The following DNAH6 variants were observed in gnomAD, a reference collection of about 807,000 sequenced individuals.
The protein encoded by DNAH6 is dynein axonemal heavy chain 6, also known as axonemal beta dynein heavy chain 6.
DNAH6 carries 340 observed loss-of-function variants against 491.4 expected under a neutral mutation model. The observed-to-expected ratio is 0.69, with a 90% CI of 0.63 to 0.76. DNAH6 has a LOEUF of 0.76. Among genes scored for constraint, DNAH6 ranks in the 30% least tolerant of loss-of-function variants. DNAH6 has a pLI of 0.00. For synonymous variants in DNAH6, 1,603 were observed against 1,686.1 expected (o/e 0.95, Z 1.21); for missense variants, 4,443 against 4,972.2 (o/e 0.89, Z 3.20).
At chr2:84,595,843 AT>A in intron 18 of DNAH6, 54 bp downstream of exon 18, 1 of 1,439,926 alleles carries the variant, frequency 6.9e-7, no homozygotes, top group Non-Finnish European at 9.1e-7. Flanking sequence ...TTATTAATTG[AT>A]GCTAATGAGA....
chr2:84,672,844 C>T (rs1385019681), intron 40 of DNAH6, among the ~76,000 whole-genome samples: 1 of 152,158 alleles, frequency 6.6e-6, no homozygotes, highest in Non-Finnish European at 1.5e-5. Flanking sequence ...TTCTGAGACC[C>T]TGAGTTAGGA....
intron 29 of DNAH6, among the ~76,000 whole-genome samples, chr2:84,626,594 C>A (rs951731176): frequency 6.6e-6 from 1 of 151,924 alleles, no homozygotes; most frequent in East Asian, 1.9e-4. Flanking sequence ...CTTCTAGAAC[C>A]ATTATTTTTC....
chr2:84,714,842 A>G (rs1192347), intron 57 of DNAH6, among the ~76,000 whole-genome samples: 150,582 of 150,584 alleles, frequency 1, 75,290 homozygotes, highest in Non-Finnish European at 1. Context: ...CCTACTTCAA[A>G]GATTTTGTAA....
intron 43 of DNAH6, among the ~76,000 whole-genome samples, chr2:84,685,797 A>G (rs1191186445): frequency 1.3e-5 from 2 of 152,162 alleles, no homozygotes; most frequent in Non-Finnish European, 2.9e-5. Context: ...TAAAAATACC[A>G]AAATAAATAA....
intron 3 of DNAH6, 57 bp from the exon 4 acceptor site, chr2:84,528,847 C>G: frequency 6.9e-7 from 1 of 1,451,498 alleles, no homozygotes; most frequent in African/African-American, 1.4e-5. Flanking sequence ...TTTTGTTGCT[C>G]TTGTGTGTAT....
chr2:84,722,843 G>A (rs1380835072), intron 60 of DNAH6, 39 bp downstream of exon 60: 2 of 1,248,234 alleles, frequency 1.6e-6, no homozygotes, highest in African/African-American at 1.6e-5. Context: ...TCATCTCTTT[G>A]GCCTCCATTA....
chr2:84,493,102 C>G, the DNAH6 span, among the ~76,000 whole-genome samples: 1 of 151,874 alleles, frequency 6.6e-6, no homozygotes, highest in East Asian at 1.9e-4. Context: ...TTTTTATTTA[C>G]TATTTTAAAG....
At chr2:84,761,789 T>TACACACAC (rs35707461) in intron 63 of DNAH6, among the ~76,000 whole-genome samples, 2,547 of 141,850 alleles carry the variant, frequency 0.018, 46 homozygotes, top group African/African-American at 0.048. Flanking sequence ...CACACACACA[T>TACACACAC]ACACACACAC....
intron 37 of DNAH6, among the ~76,000 whole-genome samples, chr2:84,660,086 G>A (rs997560962): frequency 8.5e-5 from 13 of 152,234 alleles, no homozygotes; most frequent in Non-Finnish European, 1.5e-4. Context: ...CTTGATAGCA[G>A]CAATGAGCAT....
chr2:84,800,185 G>A (rs768217790), intron 70 of DNAH6, among the ~76,000 whole-genome samples: 1 of 151,954 alleles, frequency 6.6e-6, no homozygotes, highest in Non-Finnish European at 1.5e-5. Flanking sequence ...CAGAAACAAA[G>A]CCAATTGATT....
chr2:84,533,599 G>C (rs902376536), intron 4 of DNAH6, among the ~76,000 whole-genome samples: 6 of 152,050 alleles, frequency 3.9e-5, no homozygotes, highest in South Asian at 2.1e-4. Flanking sequence ...ACTAGTTGGA[G>C]GAAAATAATT....
At chr2:84,699,799 AT>A in intron 48 of DNAH6, 65 bp downstream of exon 48, 1 of 1,495,472 alleles carries the variant, frequency 6.7e-7, no homozygotes. Context: ...GGGGTAACAC[AT>A]TGTCCAAGAG....
At chr2:84,478,057 C>A in the DNAH6 span, among the ~76,000 whole-genome samples, 1 of 152,246 alleles carries the variant, frequency 6.6e-6, no homozygotes, top group Admixed American at 6.5e-5. Flanking sequence ...GGCTGATGAG[C>A]CAGCTTAAGC....
intron 45 of DNAH6, among the ~76,000 whole-genome samples, chr2:84,689,970 C>T (rs1197071505): frequency 6.6e-6 from 1 of 152,208 alleles, no homozygotes; most frequent in Non-Finnish European, 1.5e-5. Flanking sequence ...GCAAAATTAT[C>T]CCACATCTTT....
At chr2:84,462,032 G>A in the DNAH6 span, among the ~76,000 whole-genome samples, 1 of 152,314 alleles carries the variant, frequency 6.6e-6, no homozygotes, top group Admixed American at 6.5e-5. Context: ...GTCCAGCTGG[G>A]AACTGCCTGA....
chr2:84,732,099 G>A (rs1558973212), intron 61 of DNAH6, among the ~76,000 whole-genome samples: 1 of 152,054 alleles, frequency 6.6e-6, no homozygotes. Context: ...GGGGGTGTGG[G>A]GAGCCTCCAC....
intron 59 of DNAH6, among the ~76,000 whole-genome samples, chr2:84,719,685 C>CT (rs967903424): frequency 7.5e-4 from 109 of 145,464 alleles, no homozygotes; most frequent in South Asian, 2.6e-3. Flanking sequence ...TAATTTTTCA[C>CT]TTTTTTTTTT....
the DNAH6 span, among the ~76,000 whole-genome samples, chr2:84,500,097 G>GT: frequency 9.2e-5 from 14 of 152,042 alleles, no homozygotes; most frequent in African/African-American, 3.1e-4. Flanking sequence ...CTCAAGAAAT[G>GT]TTTTTTCCGA....
intron 47 of DNAH6, among the ~76,000 whole-genome samples, chr2:84,698,398 G>A (rs1695585883): frequency 6.6e-6 from 1 of 152,196 alleles, no homozygotes; most frequent in Non-Finnish European, 1.5e-5. Context: ...CATTGGAAGG[G>A]CCAAAGAAAG....
Sources: allele counts gnomAD v4.1 joint callset (sites outside exome capture counted in the v4.1 genomes callset), GRCh38; gene constraint gnomAD v4.1.1; transcripts MANE v1.5; gene names NCBI Gene and HGNC (gene_info 2026-07-23, HGNC 2026-07-21).